VAV3: variants seen among roughly 807,000 people sequenced by gnomAD.
VAV3 encodes the protein guanine nucleotide exchange factor VAV3.
A neutral mutation model predicts 131.2 loss-of-function variants in VAV3; 94 were observed. The ratio of observed to expected loss-of-function variants is 0.72; its 90% confidence interval spans 0.61 to 0.85. The LOEUF (loss-of-function observed/expected upper bound fraction) is 0.85. Among genes scored for constraint, VAV3 ranks in the 40% least tolerant of loss-of-function variants. VAV3 has a pLI of 0.00. For missense variants in VAV3, 939 were observed against 1,002.7 expected (o/e 0.94, Z 0.86); for synonymous variants, 349 against 342.0 (o/e 1.02, Z -0.22).
intron 1 of VAV3, among the ~76,000 whole-genome samples, chr1:107,951,991 A>C (rs1674558105): frequency 6.6e-6 from 1 of 152,196 alleles, no homozygotes; most frequent in South Asian, 2.1e-4. Context: ...AAGGAATATA[A>C]ACTGTTCTAG....
chr1:107,758,171 T>C (rs562367926), intron 10 of VAV3, among the ~76,000 whole-genome samples: 54 of 152,306 alleles, frequency 3.5e-4, no homozygotes, highest in Middle Eastern at 3.4e-3. Context: ...GACTTCTCCC[T>C]GTTCTCTCTC....
chr1:107,763,474 G>A (rs1245857196), intron 9 of VAV3, among the ~76,000 whole-genome samples: 3 of 152,134 alleles, frequency 2.0e-5, no homozygotes, highest in Non-Finnish European at 4.4e-5. Context: ...TTTATTTTAA[G>A]AAAAACTGCT....
At chr1:107,731,701 C>T (rs950014741) in intron 15 of VAV3, among the ~76,000 whole-genome samples, 6 of 152,048 alleles carry the variant, frequency 3.9e-5, no homozygotes, top group African/African-American at 1.2e-4. Flanking sequence ...AGAGGCAGTC[C>T]GTCCCTCATC....
chr1:107,624,626 A>G (rs1031504081), intron 20 of VAV3, among the ~76,000 whole-genome samples: 7 of 152,192 alleles, frequency 4.6e-5, no homozygotes, highest in Non-Finnish European at 1.0e-4. Context: ...ATACTGGCAG[A>G]CAACAAATGA....
At chr1:107,902,446 T>C (rs1671905362) in intron 1 of VAV3, among the ~76,000 whole-genome samples, 1 of 152,236 alleles carries the variant, frequency 6.6e-6, no homozygotes. Flanking sequence ...TTTCACATTC[T>C]GGAAGAATAA....
intron 2 of VAV3, among the ~76,000 whole-genome samples, chr1:107,807,173 T>G (rs1190330959): frequency 6.6e-6 from 1 of 152,164 alleles, no homozygotes; most frequent in Non-Finnish European, 1.5e-5. Flanking sequence ...TCATTTCAAA[T>G]CAGGGTACTT....
chr1:107,592,454 T>A (rs1368601235), intron 25 of VAV3, among the ~76,000 whole-genome samples: 1 of 152,124 alleles, frequency 6.6e-6, no homozygotes, highest in African/African-American at 2.4e-5. Context: ...CAGAAGATAC[T>A]TGGATATTAT....
intron 19 of VAV3, among the ~76,000 whole-genome samples, chr1:107,658,634 T>C (rs1262065597): frequency 8.5e-5 from 13 of 152,162 alleles, no homozygotes; most frequent in East Asian, 3.9e-4. Flanking sequence ...TTTTAATGAC[T>C]GCCATTCTAA....
At chr1:107,934,254 T>G (rs930719974) in intron 1 of VAV3, among the ~76,000 whole-genome samples, 4 of 152,186 alleles carry the variant, frequency 2.6e-5, no homozygotes, top group Admixed American at 2.6e-4. Context: ...AACCCAAGAC[T>G]TTCCTGGATG....
intron 1 of VAV3, among the ~76,000 whole-genome samples, chr1:107,888,762 C>T (rs1671159814): frequency 6.6e-6 from 1 of 151,974 alleles, no homozygotes; most frequent in Admixed American, 6.6e-5. Context: ...CCGGGCCTAC[C>T]CTGACTCACT....
At chr1:107,886,853 G>GA (rs927056375) in intron 1 of VAV3, among the ~76,000 whole-genome samples, 33 of 147,242 alleles carry the variant, frequency 2.2e-4, no homozygotes, top group East Asian at 4.0e-4. Flanking sequence ...AAATAAAAAT[G>GA]AAAAAAAAAC....
intron 9 of VAV3, among the ~76,000 whole-genome samples, chr1:107,764,875 G>C (rs1423543063): frequency 6.6e-6 from 1 of 151,888 alleles, no homozygotes; most frequent in African/African-American, 2.4e-5. Context: ...TAAAACACAG[G>C]GCCATAAATG....
intron 25 of VAV3, among the ~76,000 whole-genome samples, chr1:107,574,711 T>C (rs1649491381): frequency 6.6e-6 from 1 of 152,214 alleles, no homozygotes; most frequent in Non-Finnish European, 1.5e-5. Context: ...TCACTTCTGG[T>C]TAAGTGGCAC....
At chr1:107,697,159 G>C (rs908481738) in intron 17 of VAV3, among the ~76,000 whole-genome samples, 2 of 152,186 alleles carry the variant, frequency 1.3e-5, no homozygotes, top group Non-Finnish European at 2.9e-5. Flanking sequence ...ATGGCTTCCA[G>C]CTTTCAGAAG....
intron 1 of VAV3, among the ~76,000 whole-genome samples, chr1:107,936,582 C>T (rs1673720529): frequency 1.3e-5 from 2 of 152,116 alleles, no homozygotes; most frequent in African/African-American, 4.8e-5. Context: ...CATTCATTTG[C>T]TTAATTGAAA....
At chr1:107,870,318 T>C (rs1355431614) in intron 2 of VAV3, among the ~76,000 whole-genome samples, 1 of 152,204 alleles carries the variant, frequency 6.6e-6, no homozygotes. Context: ...GGTTTCTTAA[T>C]TATGGCCATT....
intron 1 of VAV3, among the ~76,000 whole-genome samples, chr1:107,960,435 C>T (rs571012268): frequency 4.4e-4 from 67 of 150,810 alleles, no homozygotes; most frequent in African/African-American, 1.5e-3. Context: ...CACTGCACGC[C>T]AACTTGGGCT....
chr1:107,751,837 C>T (rs1414796513), intron 12 of VAV3, among the ~76,000 whole-genome samples: 1 of 151,910 alleles, frequency 6.6e-6, no homozygotes, highest in Non-Finnish European at 1.5e-5. Flanking sequence ...TTACTGTACA[C>T]GCTAGAGGAA....
At chr1:107,751,075 C>T (rs767042241) in intron 13 of VAV3, 42 bp downstream of exon 13, 6 of 1,565,708 alleles carry the variant, frequency 3.8e-6, no homozygotes, top group Non-Finnish European at 5.2e-6. Context: ...AGTTTTCTGA[C>T]ACTAATTACT....
Sources: gnomAD v4.1 joint callset for allele counts (sites outside exome capture counted in the v4.1 genomes callset) on GRCh38, gnomAD v4.1.1 for gene constraint, MANE v1.5 for transcripts, NCBI Gene and HGNC (gene_info 2026-07-23, HGNC 2026-07-21) for gene names.